The following VWC2L variants were observed in gnomAD, a reference collection of about 807,000 sequenced individuals.
The protein encoded by VWC2L is von Willebrand factor C domain-containing protein 2-like.
Under a neutral mutation model 21.6 loss-of-function variants are expected in VWC2L, and 10 were observed. The observed-to-expected ratio is 0.46, with a 90% confidence interval of 0.29 to 0.78. VWC2L has a LOEUF of 0.78. VWC2L is among the 30% of genes least tolerant of loss of function. The pLI, the probability that VWC2L is intolerant of heterozygous loss-of-function variation, is 0.10. For synonymous variants in VWC2L, 96 were observed against 94.3 expected (o/e 1.02, Z -0.10); for missense variants, 209 against 277.1 (o/e 0.75, Z 1.74).
chr2:214,469,821 T>G (rs1703278027), intron 3 of VWC2L, among the ~76,000 whole-genome samples: 1 of 152,216 alleles, frequency 6.6e-6, no homozygotes, highest in South Asian at 2.1e-4. Flanking sequence ...TTATTCCTGT[T>G]GAAGAGCGGA....
intron 2 of VWC2L, among the ~76,000 whole-genome samples, chr2:214,417,109 G>A (rs1417711078): frequency 1.3e-5 from 2 of 152,026 alleles, no homozygotes; most frequent in Non-Finnish European, 2.9e-5. Context: ...AACTCAGCTT[G>A]CAAGGAACAA....
intron 3 of VWC2L, among the ~76,000 whole-genome samples, chr2:214,518,928 C>A (rs748992926): frequency 6.6e-6 from 1 of 152,150 alleles, no homozygotes; most frequent in African/African-American, 2.4e-5. Context: ...TTTCCACATG[C>A]CCATCAAAGA....
chr2:214,549,258 C>A (rs949549159), intron 3 of VWC2L, among the ~76,000 whole-genome samples: 11 of 152,206 alleles, frequency 7.2e-5, no homozygotes, highest in African/African-American at 2.7e-4. Flanking sequence ...CTCGCTTTTA[C>A]CATGTAAGGT....
chr2:214,570,196 T>C (rs775770840), intron 3 of VWC2L, among the ~76,000 whole-genome samples: 17 of 152,288 alleles, frequency 1.1e-4, no homozygotes, highest in Non-Finnish European at 2.1e-4. Context: ...GATAGAGCCC[T>C]GGGCTCTCCA....
intron 3 of VWC2L, among the ~76,000 whole-genome samples, chr2:214,533,057 T>C (rs1228511777): frequency 6.6e-6 from 1 of 152,028 alleles, no homozygotes; most frequent in Non-Finnish European, 1.5e-5. Flanking sequence ...CAGGACAGTC[T>C]ACAACCTCTA....
intron 2 of VWC2L, among the ~76,000 whole-genome samples, chr2:214,419,438 T>C (rs1267160502): frequency 2.0e-5 from 3 of 152,252 alleles, no homozygotes; most frequent in Non-Finnish European, 1.5e-5. Flanking sequence ...ACTCTGATTC[T>C]GCTAGAATTA....
chr2:214,435,357 A>G (rs1229374562), intron 2 of VWC2L, among the ~76,000 whole-genome samples: 2 of 152,200 alleles, frequency 1.3e-5, no homozygotes, highest in African/African-American at 4.8e-5. Flanking sequence ...ACAAATAGCC[A>G]TACTTTACCA....
In VWC2L at chr2:214,510,379, TGG is replaced by T. The variant is rs1689034349; in HGVS notation, c.521-65292_521-65291del. Reference sequence around the variant, plus strand: ...TTACATGTTATCTGGCCCCTCTATTTGGAGCCGCTTTCTGTTAGTTCTAGACA... The same window carrying T: ...TTACATGTTATCTGGCCCCTCTATTTAGCCGCTTTCTGTTAGTTCTAGACA... On this transcript the variant is annotated intron_variant, in intron 3 of 3. Transcript: ENST00000312504. Among the ~76,000 whole-genome samples, 7 of 152,378 alleles carry T rather than the reference TGG, an allele frequency of 4.6e-5. No individual in the cohort carries two copies. In the South Asian group the frequency reaches 1.4e-3, roughly 32 times the overall value.
intron 3 of VWC2L, 109 bp downstream of exon 3, chr2:214,436,867 T>G: frequency 7.7e-7 from 1 of 1,295,222 alleles, no homozygotes; most frequent in Non-Finnish European, 1.1e-6. Context: ...CCTGTGGCTT[T>G]TCAATATGGG....
At chr2:214,458,570 C>A (rs1703090006) in intron 3 of VWC2L, among the ~76,000 whole-genome samples, 1 of 151,966 alleles carries the variant, frequency 6.6e-6, no homozygotes, top group African/African-American at 2.4e-5. Context: ...GTGGTTATTG[C>A]TATAAATGAC....
intron 3 of VWC2L, among the ~76,000 whole-genome samples, chr2:214,491,574 G>A (rs1001321353): frequency 5.9e-5 from 9 of 152,092 alleles, no homozygotes; most frequent in Admixed American, 5.9e-4. Flanking sequence ...ATACCTTTGG[G>A]GAAATTTTAC....
At chr2:214,418,413 C>G (rs1159373840) in intron 2 of VWC2L, among the ~76,000 whole-genome samples, 1 of 152,130 alleles carries the variant, frequency 6.6e-6, no homozygotes, top group African/African-American at 2.4e-5. Context: ...GACTCCAAGC[C>G]AGGCAGCTTG....
At chr2:214,504,443 A>G (rs1416023731) in intron 3 of VWC2L, among the ~76,000 whole-genome samples, 1 of 152,222 alleles carries the variant, frequency 6.6e-6, no homozygotes, top group Admixed American at 6.5e-5. Context: ...CGTGTCTGAC[A>G]TTTTGGGGAG....
rs375174263 is a variant in VWC2L at position 214,522,401 on chromosome 2, ATTTT to A, written c.521-53267_521-53264del. 2.1e-4 allele frequency among the ~76,000 whole-genome samples: 29 copies of A among 139,678 alleles called. No homozygotes were observed. The East Asian group carries it at 5.9e-3, about 29-fold the overall frequency. The allele number at this position is 139,678 out of a possible 152,430, so 91.6% of individuals were successfully genotyped here. A position where few individuals can be genotyped will look rare whatever the true frequency, so the allele number is the denominator to read the frequency against. On this transcript the variant is annotated intron_variant, in intron 3 of 3. Coordinates refer to ENST00000312504, the MANE Select transcript of VWC2L (RefSeq NM_001080500.4). ...AAAAAAAAAAAAAAAAAAAAATTGC[ATTTT>A]TTTCCTCTTTGCTGATTCCTCCTCC...
chr2:214,546,664 A>C (rs1267082450), intron 3 of VWC2L, among the ~76,000 whole-genome samples: 1 of 152,136 alleles, frequency 6.6e-6, no homozygotes, highest in African/African-American at 2.4e-5. Context: ...TTCTATTATA[A>C]TATTTGCATA....
chr2:214,554,398 G>A (rs1689842963), intron 3 of VWC2L, among the ~76,000 whole-genome samples: 1 of 152,098 alleles, frequency 6.6e-6, no homozygotes, highest in Non-Finnish European at 1.5e-5. Flanking sequence ...GGCCAGACAT[G>A]CCTTGCCTGT....
intron 3 of VWC2L, among the ~76,000 whole-genome samples, chr2:214,529,185 T>C (rs996945763): frequency 6.6e-6 from 1 of 152,158 alleles, no homozygotes; most frequent in African/African-American, 2.4e-5. Context: ...AGGCCAGCTT[T>C]TGGATTCCTA....
chr2:214,459,163 A>C (rs923853222), intron 3 of VWC2L, among the ~76,000 whole-genome samples: 1 of 152,114 alleles, frequency 6.6e-6, no homozygotes, highest in Non-Finnish European at 1.5e-5. Context: ...TCATTATAAT[A>C]ACCTTCTTTA....
intron 3 of VWC2L, among the ~76,000 whole-genome samples, chr2:214,570,509 G>A (rs937980687): frequency 2.0e-5 from 3 of 152,032 alleles, no homozygotes; most frequent in African/African-American, 7.2e-5. Context: ...GACTGCAGGG[G>A]TGCACCACCA....
Sources: gnomAD v4.1 joint callset for allele counts (sites outside exome capture counted in the v4.1 genomes callset) on GRCh38, gnomAD v4.1.1 for gene constraint, MANE v1.5 for transcripts, NCBI Gene and HGNC (gene_info 2026-07-23, HGNC 2026-07-21) for gene names.